SLCO1A2: variants seen among roughly 807,000 people sequenced by gnomAD.
SLCO1A2 encodes the protein OATP-1.
Under a neutral mutation model 69.0 loss-of-function variants are expected in SLCO1A2, and 67 were observed. That is an observed-to-expected ratio of 0.97 (90% confidence interval 0.80 to 1.19). The LOEUF (loss-of-function observed/expected upper bound fraction) is 1.19, where lower values mean the gene tolerates loss of function less well. SLCO1A2 is among the 50% of genes most tolerant of loss of function. The pLI, the probability that SLCO1A2 is intolerant of heterozygous loss-of-function variation, is 0.00. For missense variants in SLCO1A2, 787 were observed against 793.7 expected, an observed-to-expected ratio of 0.99 and a Z score of 0.10; for synonymous variants, 260 against 265.9, an observed-to-expected ratio of 0.98 and a Z score of 0.22.
chr12:21,279,007 C>T (rs1565465602), intron 12 of SLCO1A2, among the ~76,000 whole-genome samples: 1 of 151,712 alleles, frequency 6.6e-6, no homozygotes, highest in African/African-American at 2.4e-5. Flanking sequence ...AAGAGGTTGA[C>T]ATAAATAAAA....
chr12:21,284,599 C>T (rs940683003), intron 12 of SLCO1A2, among the ~76,000 whole-genome samples: 2 of 149,074 alleles, frequency 1.3e-5, no homozygotes, highest in Admixed American at 1.3e-4. Context: ...TGACCACATA[C>T]TGGGAAGTAA....
intron 2 of SLCO1A2, among the ~76,000 whole-genome samples, chr12:21,347,665 A>AAGG (rs1565510400): frequency 1.6e-4 from 1 of 6,390 alleles, no homozygotes; most frequent in Non-Finnish European, 6.0e-4. Context: ...AAGAAGAAAG[A>AAGG]AAGAAAGGAA....
intron 2 of SLCO1A2, chr12:21,354,818 T>G (rs1387117341): frequency 6.6e-6 from 1 of 152,190 alleles, no homozygotes; most frequent in African/African-American, 2.4e-5. Context: ...TCCCAATAAG[T>G]CATCTTTGAG....
chr12:21,401,129 C>A, intron 1 of SLCO1A2, among the ~76,000 whole-genome samples: 1 of 150,488 alleles, frequency 6.6e-6, no homozygotes, highest in South Asian at 2.1e-4. Flanking sequence ...TTAGCTAATA[C>A]AAGAAAATGA....
Position 21,346,416 on chromosome 12 carries a change from C to T in SLCO1A2, c.-62-11707G>A, listed in dbSNP as rs77301891. Among the ~76,000 whole-genome samples the T allele has an allele frequency of 5.5e-3, 833 of 151,846 alleles. 13 individuals carry two copies. Among genetic ancestry groups the T allele is most frequent in the African/African-American group, 0.018 (755 of 41,396 alleles). ...TTTTACTGAGCACGGGATACAGATC[C>T]ATGATGGATTTTTGTGTTCAGAAAA... is the stretch of plus-strand genomic sequence containing the variant. On this transcript the variant is annotated intron_variant, in intron 2 of 15. Coordinates refer to the SLCO1A2 transcript ENST00000307378.
At chr12:21,324,501 A>G (rs1952047762) in intron 2 of SLCO1A2, 1 of 152,204 alleles carries the variant, frequency 6.6e-6, no homozygotes, top group Non-Finnish European at 1.5e-5. Context: ...ACTTGGTAAA[A>G]TAATCAGTGT....
chr12:21,336,043 T>G (rs1376709587), upstream of SLCO1A2, among the ~76,000 whole-genome samples: 1 of 152,048 alleles, frequency 6.6e-6, no homozygotes, highest in Non-Finnish European at 1.5e-5. Context: ...GGAAATGCAA[T>G]TTGCTTGGTA....
chr12:21,380,961 A>T (rs1419949161), intron 1 of SLCO1A2, among the ~76,000 whole-genome samples: 1 of 151,692 alleles, frequency 6.6e-6, no homozygotes, highest in Non-Finnish European at 1.5e-5. Flanking sequence ...TCTCTCTAAA[A>T]TAATAACTGG....
rs1565505508 is a variant in SLCO1A2 at position 21,334,673 on chromosome 12, A to G, written c.-26T>C. The G allele has an allele frequency of 6.3e-7, 1 of 1,593,976 alleles. No homozygotes were observed. Among genetic ancestry groups the G allele is most frequent in the Non-Finnish European group, 8.6e-7 (1 of 1,169,026 alleles). On this transcript the variant is annotated 5_prime_UTR_variant, in exon 2 of 15. Coordinates refer to ENST00000683939, the MANE Select transcript of SLCO1A2 (RefSeq NM_001386879.1). ...GTTGCTCTTCAGGGTGTTCCAAGCT[A>G]TTTATGTTTTAAATCTTGATATGTC...
Position 21,304,567 on chromosome 12 carries a change from G to A in SLCO1A2, c.449C>T (p.Thr150Ile). The change falls in exon 6 of 15, where the codon ACA (threonine) becomes ATA (isoleucine). Residue 150 changes from threonine to isoleucine, a missense_variant. Physicochemically the swap from Thr to Ile is moderately conservative, Grantham distance 89. Coordinates refer to ENST00000683939, the MANE Select transcript of SLCO1A2 (RefSeq NM_001386879.1). Reference protein sequence around the residue: ...LRPTQDPSECTKEVKSLMWVY... With the variant: ...LRPTQDPSECIKEVKSLMWVY... The stretch of plus-strand genomic sequence containing the variant: ...CCACATTAATGATTTAACTTCCTTT[G>A]TACACTCTGCATTAAAAAAAAAAGA... The A allele has an allele frequency of 6.3e-7, 1 of 1,594,584 alleles. No homozygotes were observed. The highest frequency in any genetic ancestry group is 8.5e-7 in the Non-Finnish European group (1 of 1,174,756).
In SLCO1A2 at chr12:21,318,938, TAAG is replaced by T. The variant is rs1565496132; in HGVS notation, c.61-18_61-16del. The T allele has an allele frequency of 6.4e-6, 10 of 1,564,194 alleles. No individual in the cohort carries two copies. In the Middle Eastern group the frequency reaches 5.3e-4, roughly 83 times the overall value. On this transcript the variant is annotated splice_polypyrimidine_tract_variant and intron_variant, in intron 2 of 14. Transcript: ENST00000683939. ...AACAGAAACATCTAGGAAAAAAATA[TAAG>T]AAAACGTAGAAAAAATTATTTTTAA...
intron 1 of SLCO1A2, among the ~76,000 whole-genome samples, chr12:21,393,743 T>A (rs182475938): frequency 6.6e-6 from 1 of 152,210 alleles, no homozygotes; most frequent in African/African-American, 2.4e-5. Context: ...ATCTCAGAAA[T>A]TGGCAAAATG....
At chr12:21,417,733 G>T (rs1942010202) in intron 1 of SLCO1A2, 1 of 152,092 alleles carries the variant, frequency 6.6e-6, no homozygotes, top group East Asian at 1.9e-4. Flanking sequence ...TTTGGTGGAT[G>T]TCAAAAAGTT....
At chr12:21,396,540 C>T (rs544487867), upstream of SLCO1A2, among the ~76,000 whole-genome samples, 159 of 150,510 alleles carry the variant, frequency 1.1e-3, no homozygotes, top group Non-Finnish European at 1.9e-3. Flanking sequence ...AGATACTCCT[C>T]GAGAAGAGCA....
chr12:21,386,024 G>A (rs1002542760), intron 1 of SLCO1A2, among the ~76,000 whole-genome samples: 2 of 152,134 alleles, frequency 1.3e-5, no homozygotes, highest in African/African-American at 4.8e-5. Context: ...ATTATTATCT[G>A]GCTATGCCAA....
rs1940272769 is a variant in SLCO1A2, at chr12:21,377,328, T to C, written c.-189-2803A>G. On this transcript the variant is annotated intron_variant, in intron 1 of 15. Transcript: ENST00000307378. ...GAACAGGTGATAGATTTGATTCTTT[T>C]GGAGACTTTATGATATTCTCTTTTT... Among the ~76,000 whole-genome samples, 4 of 152,244 alleles carry C rather than the reference T, an allele frequency of 2.6e-5. No individual in the cohort carries two copies. The South Asian group carries it at 8.3e-4, about 31-fold the overall frequency.
chr12:21,352,094 A>C (rs1938003302), intron 2 of SLCO1A2, among the ~76,000 whole-genome samples: 4 of 152,182 alleles, frequency 2.6e-5, no homozygotes, highest in Admixed American at 2.6e-4. Context: ...ACTCTCATGG[A>C]AAATATCAAA....
exon 1 of SLCO1A2, chr12:21,395,342 T>C (rs1225998928): frequency 1.3e-5 from 2 of 152,880 alleles, no homozygotes; most frequent in African/African-American, 4.8e-5. Flanking sequence ...CGCCACAAGA[T>C]TATATCCCGC....
upstream of SLCO1A2, among the ~76,000 whole-genome samples, chr12:21,418,441 G>A (rs1214352208): frequency 1.3e-5 from 2 of 150,872 alleles, no homozygotes; most frequent in South Asian, 2.1e-4. Context: ...TGACATACCT[G>A]AGACTGGGTA....
Sources: gnomAD v4.1 joint callset for allele counts (sites outside exome capture counted in the v4.1 genomes callset) on GRCh38, gnomAD v4.1.1 for gene constraint, MANE v1.5 for transcripts, NCBI Gene and HGNC (gene_info 2026-07-23, HGNC 2026-07-21) for gene names.